B3GALNT2: variants seen among roughly 807,000 people sequenced by gnomAD.
B3GALNT2 encodes beta-1,3-N-acetylgalactosaminyltransferase 2, also known as UDP-GalNAc:beta-1,3-N-acetylgalactosaminyltransferase 2.
B3GALNT2 carries 53 observed loss-of-function variants against 61.1 expected under a neutral mutation model. The ratio of observed to expected loss-of-function variants is 0.87; its 90% CI spans 0.70 to 1.09. The LOEUF (loss-of-function observed/expected upper bound fraction) is 1.09. Among genes scored for constraint, B3GALNT2 ranks in the 50% least tolerant of loss-of-function variants. B3GALNT2 has a pLI of 0.00. For missense variants in B3GALNT2, 544 were observed against 623.0 expected, an observed-to-expected ratio of 0.87 and a Z score of 1.35; for synonymous variants, 223 against 237.4, an observed-to-expected ratio of 0.94 and a Z score of 0.56.
chr1:235,486,304 A>C (rs1488669398), intron 3 of B3GALNT2, among the ~76,000 whole-genome samples: 2 of 152,246 alleles, frequency 1.3e-5, no homozygotes, highest in Non-Finnish European at 2.9e-5. Flanking sequence ...TGGAGAGTCT[A>C]GACTACAACA....
rs142756842 is a variant in B3GALNT2, at chr1:235,494,772, C to A, written c.169G>T (p.Val57Leu). The change falls in exon 2 of 12, where the codon GTG becomes TTG. Residue 57 changes from valine to leucine, a missense_variant. Transcript: ENST00000366600. The stretch of plus-strand genomic sequence containing the variant: ...TCATGGTTATTGCGAGCTGACAACA[C>A]GCCAACTACCACATCATAGTGAGTA... ...KSTHYDVVVGVLSARNNHELR... is the reference protein window; with the variant it reads ...KSTHYDVVVGLLSARNNHELR... The A allele has an allele frequency of 1.2e-6, 2 of 1,611,354 alleles. No individual in the cohort carries two copies. The highest frequency in any genetic ancestry group is 8.5e-7 in the Non-Finnish European group (1 of 1,177,668).
chr1:235,503,915 G>A (rs1193524105), intron 1 of B3GALNT2, among the ~76,000 whole-genome samples: 1 of 152,228 alleles, frequency 6.6e-6, no homozygotes, highest in African/African-American at 2.4e-5. Flanking sequence ...CGGGCGTTAA[G>A]GGAAACGGGG....
intron 7 of B3GALNT2, chr1:235,465,313 C>A: frequency 4.1e-6 from 1 of 242,878 alleles, no homozygotes; most frequent in Non-Finnish European, 7.8e-6. Flanking sequence ...AGAGTACGTA[C>A]TGTGCATTTC....
intron 8 of B3GALNT2, 95 bp from the exon 9 acceptor site, chr1:235,455,779 G>A (rs769542510): frequency 1.3e-4 from 174 of 1,364,364 alleles, no homozygotes; most frequent in Non-Finnish European, 1.7e-4. Flanking sequence ...AACTGTACCT[G>A]TCATTATCTA....
the B3GALNT2 span, among the ~76,000 whole-genome samples, chr1:235,439,865 A>G: frequency 6.6e-6 from 1 of 151,424 alleles, no homozygotes; most frequent in African/African-American, 2.4e-5. Flanking sequence ...GCAGTGGCAC[A>G]ATCTCAGCTC....
chr1:235,450,002 T>A lies in B3GALNT2; in HGVS notation c.*204A>T, dbSNP rs181993261. 38 of 451,124 alleles carry A rather than the reference T, an allele frequency of 8.4e-5. No homozygotes were observed. The highest frequency in any genetic ancestry group is 4.7e-4 in the Admixed American group (12 of 25,344). The allele number at this position is 451,124 out of a possible 1,614,324, so 27.9% of individuals were successfully genotyped here. A position where few individuals can be genotyped will look rare whatever the true frequency, so the allele number is the denominator to read the frequency against. ...ATCTTCCAATAGATAAATAAAAACT[T>A]TTCTTATGCTACAGTACAAGTTGAT... is the stretch of plus-strand genomic sequence containing the variant. On this transcript the variant is annotated 3_prime_UTR_variant, in exon 12 of 12. Coordinates refer to ENST00000366600, the MANE Select transcript of B3GALNT2 (RefSeq NM_152490.5).
intron 11 of B3GALNT2, chr1:235,451,563 A>G (rs1682902913): frequency 6.6e-6 from 1 of 152,138 alleles, no homozygotes; most frequent in Non-Finnish European, 1.5e-5. Flanking sequence ...AGACCCAGCA[A>G]AGACTACAGA....
chr1:235,485,018 T>C (rs1228211632), intron 3 of B3GALNT2, among the ~76,000 whole-genome samples: 2 of 152,238 alleles, frequency 1.3e-5, no homozygotes, highest in African/African-American at 2.4e-5. Flanking sequence ...TCACTTCAAA[T>C]AACACTGAAA....
Position 235,455,654 on chromosome 1 carries a change from C to G in B3GALNT2, c.1056G>C (p.Leu352Phe). Residue 352 changes from leucine to phenylalanine, a missense_variant, in exon 9 of 12, where the codon TTG (leucine) becomes TTC (phenylalanine). Leu to Phe is a conservative substitution (Grantham distance 22). Coordinates refer to ENST00000366600, the MANE Select transcript of B3GALNT2 (RefSeq NM_152490.5). Reference sequence around the variant, plus strand: ...TGTAACAGTCATCATCTGTCTTCAGCAACAAATTGAAGCTCGTTGTTTCCA... The same window carrying G: ...TGTAACAGTCATCATCTGTCTTCAGGAACAAATTGAAGCTCGTTGTTTCCA... The part of the protein sequence containing the change: ...WTVETTSFNL[L>F]LKTDDDCYID... 6.2e-7 allele frequency: 1 copy of G among 1,607,506 alleles called. No individual in the cohort carries two copies. Among genetic ancestry groups the G allele is most frequent in the Non-Finnish European group, 8.5e-7 (1 of 1,174,030 alleles).
chr1:235,445,027 T>C (rs1682150741), downstream of B3GALNT2, among the ~76,000 whole-genome samples: 1 of 152,216 alleles, frequency 6.6e-6, no homozygotes, highest in Non-Finnish European at 1.5e-5. Flanking sequence ...CAGTTAGCCA[T>C]TTTGGGAACA....
the B3GALNT2 span, among the ~76,000 whole-genome samples, chr1:235,440,461 C>T: frequency 2.0e-5 from 3 of 152,134 alleles, no homozygotes; most frequent in Middle Eastern, 3.4e-3. Flanking sequence ...GGCGCGATCT[C>T]GGCTCACTGC....
At chr1:235,496,311 G>GGA (rs1685319583) in intron 1 of B3GALNT2, 1 of 679,632 alleles carries the variant, frequency 1.5e-6, no homozygotes, top group Admixed American at 5.6e-5. Flanking sequence ...GACTCCACCT[G>GGA]AAAAAAAAAA....
chr1:235,474,277 A>T (rs1431102530), intron 5 of B3GALNT2, among the ~76,000 whole-genome samples: 1 of 152,208 alleles, frequency 6.6e-6, no homozygotes, highest in Non-Finnish European at 1.5e-5. Context: ...TAAAAACCAA[A>T]ATAAAAGTTG....
Position 235,454,150 on chromosome 1 carries a change from AAT to A in B3GALNT2, c.1311+4_1311+5del, listed in dbSNP as rs754052311. On this transcript the variant is annotated splice_donor_5th_base_variant and intron_variant, in intron 10 of 11. Transcript: ENST00000366600. ...CACCACGCCAAGCTAAGAAATTCTT[AAT>A]TACCTGATAGGTCTTTAACCTCCCC... 3 of 1,590,954 alleles carry A rather than the reference AAT, an allele frequency of 1.9e-6. No homozygotes were observed. The African/African-American group carries it at 4.1e-5, about 22-fold the overall frequency.
intron 5 of B3GALNT2, among the ~76,000 whole-genome samples, chr1:235,474,950 CATATAT>C (rs1159752267): frequency 0.034 from 1,331 of 39,262 alleles, 40 homozygotes; most frequent in Non-Finnish European, 0.037. Context: ...AAATTAGAGA[CATATAT>C]ATATATATAT....
At position 235,504,378 on chromosome 1, in the gene B3GALNT2, G is replaced by A. The variant is rs1429563690; in HGVS notation, c.-126C>T. 1.8e-6 allele frequency: 2 copies of A among 1,091,828 alleles called. No homozygotes were observed. Among genetic ancestry groups the A allele is most frequent in the East Asian group, 3.4e-5 (1 of 28,990 alleles). The allele number at this position is 1,091,828 out of a possible 1,614,324, so 67.6% of individuals were successfully genotyped here. ...TCCGAGCACGCCCGCCCTCGCGCTC[G>A]GCGACGTCTGGGGGGCTCCTCGCAG... On this transcript the variant is annotated 5_prime_UTR_variant, in exon 1 of 12. Transcript: ENST00000366600.
intron 3 of B3GALNT2, among the ~76,000 whole-genome samples, chr1:235,485,666 T>C (rs976530693): frequency 3.9e-5 from 6 of 152,254 alleles, no homozygotes; most frequent in African/African-American, 1.2e-4. Flanking sequence ...AGGCAGGGAA[T>C]ATCAGTGCTA....
Position 235,448,746 on chromosome 1 carries a change from T to TATTA in B3GALNT2, c.*1456_*1459dup, listed in dbSNP as rs1459476032. 1.2e-6 allele frequency: 2 copies of TATTA among 1,613,148 alleles called. No homozygotes were observed. The highest frequency in any genetic ancestry group is 2.2e-5 in the East Asian group (1 of 44,886). On this transcript the variant is annotated 3_prime_UTR_variant, in exon 12 of 12. Transcript: ENST00000366600. The stretch of plus-strand genomic sequence containing the variant: ...TATTCTGTGGAAAATGGAGATTGTC[T>TATTA]ATTAGTGCGATGGTGACAACCAACT...
In B3GALNT2 at chr1:235,454,376, A is replaced by C. The variant is rs1260056512; in HGVS notation, c.1152-61T>G. ...CTGACACATATCCTGCCACTATTAA[A>C]ACTTGACTCCTTTATCATCACTACA... On this transcript the variant is annotated intron_variant, in intron 9 of 11. Transcript: ENST00000366600. 2.1e-6 allele frequency: 3 copies of C among 1,441,270 alleles called. No homozygotes were observed. The African/African-American group carries it at 4.3e-5, about 21-fold the overall frequency. 89.3% of individuals were successfully genotyped at this position (1,441,270 alleles called of 1,614,324 possible). A position where few individuals can be genotyped will look rare whatever the true frequency, so the allele number is the denominator to read the frequency against.
Sources: gnomAD v4.1 joint callset for allele counts (sites outside exome capture counted in the v4.1 genomes callset) on GRCh38, gnomAD v4.1.1 for gene constraint, MANE v1.5 for transcripts, NCBI Gene and HGNC (gene_info 2026-07-23, HGNC 2026-07-21) for gene names.